Variants in AGBL1 observed in about 807,000 individuals in gnomAD.
AGBL1 encodes the protein cytosolic carboxypeptidase 4.
In AGBL1, 130 loss-of-function variants were observed where a neutral mutation model predicts 118.9. The observed-to-expected ratio is 1.09, with a 90% CI of 0.95 to 1.26. The LOEUF (loss-of-function observed/expected upper bound fraction) is 1.26, where lower values mean the gene tolerates loss of function less well. AGBL1 is among the 50% of genes most tolerant of loss of function. The probability of loss-of-function intolerance (pLI) is 0.00; values close to 1 mark genes in which losing one functional copy is unlikely to be tolerated. For synonymous variants in AGBL1, 555 were observed against 478.9 expected, an observed-to-expected ratio of 1.16 and a Z score of -2.08; for missense variants, 1,584 against 1,298.1, an observed-to-expected ratio of 1.22 and a Z score of -3.38.
At chr15:86,686,421 T>C (rs2086057298) in intron 22 of AGBL1, among the ~76,000 whole-genome samples, 1 of 151,564 alleles carries the variant, frequency 6.6e-6, no homozygotes, top group Non-Finnish European at 1.5e-5. Context: ...TGATGTTTAT[T>C]GACTGCTTAG....
intron 5 of AGBL1, among the ~76,000 whole-genome samples, chr15:86,205,208 T>C (rs752595048): frequency 1.3e-5 from 2 of 152,232 alleles, no homozygotes; most frequent in Non-Finnish European, 2.9e-5. Context: ...CACACATACG[T>C]AGCTTTTTCA....
At chr15:86,437,267 G>A (rs145693901) in intron 18 of AGBL1, among the ~76,000 whole-genome samples, 4 of 152,096 alleles carry the variant, frequency 2.6e-5, no homozygotes, top group South Asian at 4.1e-4. Flanking sequence ...TCCCCTCTCC[G>A]AGTCCTGGTA....
chr15:86,141,941 C>T (rs1204269503), intron 1 of AGBL1, 63 bp from the exon 2 acceptor site: 4 of 1,472,636 alleles, frequency 2.7e-6, no homozygotes, highest in South Asian at 1.2e-5. Context: ...CCATGTACAT[C>T]CCTGATCATC....
At chr15:86,829,235 G>C (rs954327089) in intron 22 of AGBL1, among the ~76,000 whole-genome samples, 6 of 152,114 alleles carry the variant, frequency 3.9e-5, no homozygotes, top group African/African-American at 1.4e-4. Flanking sequence ...CACTAGGTAA[G>C]AGGCACAACT....
At chr15:86,431,999 A>G (rs2081941262) in intron 18 of AGBL1, among the ~76,000 whole-genome samples, 3 of 152,068 alleles carry the variant, frequency 2.0e-5, no homozygotes, top group Admixed American at 1.3e-4. Context: ...CCAGGGACTC[A>G]CCTGTTATCC....
chr15:86,677,037 A>T (rs1596360470), intron 22 of AGBL1, among the ~76,000 whole-genome samples: 2 of 152,128 alleles, frequency 1.3e-5, no homozygotes, highest in Admixed American at 1.3e-4. Context: ...AACAAAAAAA[A>T]TGCAAGGATG....
At chr15:86,398,746 T>C (rs1030594452) in intron 18 of AGBL1, among the ~76,000 whole-genome samples, 24 of 152,096 alleles carry the variant, frequency 1.6e-4, no homozygotes, top group African/African-American at 5.8e-4. Flanking sequence ...TTTCAAAAGA[T>C]AAGCACCGAA....
intron 17 of AGBL1, among the ~76,000 whole-genome samples, chr15:86,340,186 AT>A (rs2080440223): frequency 6.6e-6 from 1 of 151,698 alleles, no homozygotes; most frequent in Non-Finnish European, 1.5e-5. Context: ...GTGATGAGTG[AT>A]TTTTTGACGG....
At chr15:86,746,904 A>T (rs192856605) in intron 22 of AGBL1, among the ~76,000 whole-genome samples, 5 of 152,212 alleles carry the variant, frequency 3.3e-5, no homozygotes, top group African/African-American at 1.2e-4. Flanking sequence ...TTACATGGTG[A>T]CCTAAACTTT....
At chr15:86,723,737 A>G (rs2086773041) in intron 22 of AGBL1, among the ~76,000 whole-genome samples, 1 of 152,202 alleles carries the variant, frequency 6.6e-6, no homozygotes, top group Non-Finnish European at 1.5e-5. Context: ...AATATACAAA[A>G]GAATTAAAAT....
Position 86,652,201 on chromosome 15 carries a change from T to C in AGBL1, c.2995-22072T>C, listed in dbSNP as rs188500487. On this transcript the variant is annotated intron_variant, in intron 21 of 22. Coordinates refer to ENST00000614907, the MANE Select transcript of AGBL1 (RefSeq NM_001386094.1). ...AGGGTCAAAAGATTGGCAGACAATA[T>C]ATGGAGGTACACCAGTTCTCCTCAT... is the stretch of plus-strand genomic sequence containing the variant. Among the ~76,000 whole-genome samples the C allele has an allele frequency of 3.0e-3, 462 of 152,274 alleles. 1 individual carries two copies. Among genetic ancestry groups the C allele is most frequent in the Non-Finnish European group, 4.6e-3 (310 of 68,016 alleles).
chr15:86,142,259 C>T (rs2076973624), intron 2 of AGBL1, among the ~76,000 whole-genome samples, 192 bp downstream of exon 2: 1 of 152,194 alleles, frequency 6.6e-6, no homozygotes, highest in Non-Finnish European at 1.5e-5. Flanking sequence ...TACTTGCACT[C>T]CTCAGTCTTC....
intron 18 of AGBL1, among the ~76,000 whole-genome samples, chr15:86,513,794 T>C (rs896711444): frequency 5.9e-5 from 9 of 152,136 alleles, no homozygotes; most frequent in Non-Finnish European, 1.3e-4. Context: ...TAATTTATTC[T>C]ATGGGTTATA....
chr15:86,123,875 CT>C (rs1012375159), intron 1 of AGBL1, among the ~76,000 whole-genome samples: 1 of 152,126 alleles, frequency 6.6e-6, no homozygotes, highest in Non-Finnish European at 1.5e-5. Context: ...GTGTTTGACT[CT>C]TTTTTATCCA....
chr15:86,697,127 A>T (rs936590964), intron 22 of AGBL1, among the ~76,000 whole-genome samples: 1 of 151,812 alleles, frequency 6.6e-6, no homozygotes, highest in Non-Finnish European at 1.5e-5. Context: ...AACTTCTTGT[A>T]TTTGGATGTC....
intron 1 of AGBL1, among the ~76,000 whole-genome samples, chr15:86,101,561 G>A (rs1261769269): frequency 6.6e-6 from 1 of 150,418 alleles, no homozygotes; most frequent in East Asian, 1.9e-4. Flanking sequence ...GGTGTTGAGT[G>A]CAGTTATGTT....
intron 18 of AGBL1, among the ~76,000 whole-genome samples, chr15:86,508,657 G>A (rs1350359846): frequency 1.3e-5 from 2 of 151,808 alleles, no homozygotes; most frequent in African/African-American, 4.8e-5. Context: ...GCCCTATATT[G>A]ATGATCCAAT....
intron 22 of AGBL1, among the ~76,000 whole-genome samples, chr15:86,883,528 C>A (rs771738371): frequency 6.6e-6 from 1 of 152,182 alleles, no homozygotes; most frequent in Non-Finnish European, 1.5e-5. Flanking sequence ...CTCCCCCTGA[C>A]AGAGTTACTG....
intron 21 of AGBL1, among the ~76,000 whole-genome samples, chr15:86,654,770 G>C (rs1326361456): frequency 1.3e-5 from 2 of 152,016 alleles, no homozygotes; most frequent in South Asian, 4.2e-4. Flanking sequence ...CTTTTCTGAT[G>C]ATGGGCCCTG....
Sources: allele counts gnomAD v4.1 joint callset (sites outside exome capture counted in the v4.1 genomes callset), GRCh38; gene constraint gnomAD v4.1.1; transcripts MANE v1.5; gene names NCBI Gene and HGNC (gene_info 2026-07-23, HGNC 2026-07-21).